The following CHST11 variants were observed in gnomAD, a reference collection of about 807,000 sequenced individuals.
CHST11 encodes carbohydrate sulfotransferase 11, also known as C4S-1.
CHST11 carries 9 observed loss-of-function variants against 30.4 expected under a neutral mutation model. The observed-to-expected ratio is 0.30, with a 90% CI of 0.18 to 0.52. The LOEUF (loss-of-function observed/expected upper bound fraction) is 0.52. CHST11 is among the 20% of genes least tolerant of loss of function. The pLI, the probability that CHST11 is intolerant of heterozygous loss-of-function variation, is 0.97. For synonymous variants in CHST11, 152 were observed against 187.8 expected (o/e 0.81, Z 1.56); for missense variants, 348 against 460.6 (o/e 0.76, Z 2.24).
intron 2 of CHST11, among the ~76,000 whole-genome samples, chr12:104,711,928 C>T (rs2040092032): frequency 6.6e-6 from 1 of 152,066 alleles, no homozygotes; most frequent in South Asian, 2.1e-4. Flanking sequence ...CCTCTGACCA[C>T]AGTTTAGCTT....
At chr12:104,534,981 A>G (rs188445784) in intron 1 of CHST11, among the ~76,000 whole-genome samples, 1 of 152,382 alleles carries the variant, frequency 6.6e-6, no homozygotes, top group East Asian at 1.9e-4. Flanking sequence ...GTAGCTAATT[A>G]TGGTAAAGCC....
chr12:104,622,881 A>G (rs974600435), intron 2 of CHST11, among the ~76,000 whole-genome samples: 5 of 152,206 alleles, frequency 3.3e-5, no homozygotes, highest in African/African-American at 7.2e-5. Context: ...CCAAGGGTCA[A>G]TTAACTCCCA....
chr12:104,740,362 G>T (rs1470855082), intron 2 of CHST11, among the ~76,000 whole-genome samples: 1 of 152,154 alleles, frequency 6.6e-6, no homozygotes, highest in Non-Finnish European at 1.5e-5. Context: ...GAATGTTATG[G>T]CACCACACAG....
chr12:104,656,043 G>T (rs116552772), intron 2 of CHST11, among the ~76,000 whole-genome samples: 3,813 of 152,318 alleles, frequency 0.025, 181 homozygotes, highest in African/African-American at 0.086. Flanking sequence ...TAAGCAAGAC[G>T]AAAGGGGTAG....
chr12:104,583,456 A>G (rs919272536), intron 1 of CHST11, among the ~76,000 whole-genome samples: 2 of 152,046 alleles, frequency 1.3e-5, no homozygotes, highest in African/African-American at 4.8e-5. Context: ...TGCAGCTCCA[A>G]TGGCCTTTTC....
rs1052305753 is a variant in CHST11, at chr12:104,706,385, AAAAC to A, written c.205-50552_205-50549del. On this transcript the variant is annotated intron_variant, in intron 2 of 2. Transcript: ENST00000303694. ...GGCAACAGAATGAGACTGTCTCAAA[AAAAC>A]AAACAAACAAAAACAGATAGGTAGA... Among the ~76,000 whole-genome samples, 488 of 151,316 alleles carry A rather than the reference AAAAC, an allele frequency of 3.2e-3. 5 individuals carry two copies. Among genetic ancestry groups the A allele is most frequent in the African/African-American group, 0.011 (458 of 41,124 alleles).
At chr12:104,743,529 A>G (rs1267956040) in intron 2 of CHST11, among the ~76,000 whole-genome samples, 1 of 152,208 alleles carries the variant, frequency 6.6e-6, no homozygotes, top group Non-Finnish European at 1.5e-5. Flanking sequence ...TTCGGCTCAC[A>G]CCACTAAAAT....
intron 1 of CHST11, among the ~76,000 whole-genome samples, chr12:104,559,778 A>G (rs913845100): frequency 3.3e-5 from 5 of 152,120 alleles, no homozygotes; most frequent in South Asian, 2.1e-4. Context: ...AATAAAATAA[A>G]CACATGCATG....
rs536506411 is a variant in CHST11 at position 104,616,774 on chromosome 12, T to G, written c.204+14783T>G. Among the ~76,000 whole-genome samples the G allele has an allele frequency of 5.9e-5, 9 of 152,252 alleles. 1 individual carries two copies. Among genetic ancestry groups the G allele is most frequent in the African/African-American group, 2.2e-4 (9 of 41,558 alleles). On this transcript the variant is annotated intron_variant, in intron 2 of 2. Coordinates refer to ENST00000303694, the MANE Select transcript of CHST11 (RefSeq NM_018413.6). ...CCACTGTGCCCGGCCAGGAAACTTTTTAACAGACTCCCAGGTGGTCTGCAC... is the reference window on the plus strand; with the variant it reads ...CCACTGTGCCCGGCCAGGAAACTTTGTAACAGACTCCCAGGTGGTCTGCAC...
rs1015774828 is a variant in CHST11 at position 104,558,468 on chromosome 12, G to A, written c.119-43438G>A. ...AGGCCCCCATTTCTGTACCCTCTCC[G>A]CCCCTCCCCTCCCAAAGTGTACAGA... On this transcript the variant is annotated intron_variant, in intron 1 of 2. Coordinates refer to ENST00000303694, the MANE Select transcript of CHST11 (RefSeq NM_018413.6). Among the ~76,000 whole-genome samples, 8 of 150,414 alleles carry A rather than the reference G, an allele frequency of 5.3e-5. No individual in the cohort carries two copies. The East Asian group carries it at 7.8e-4, about 15-fold the overall frequency.
intron 2 of CHST11, among the ~76,000 whole-genome samples, chr12:104,659,740 A>C (rs2039580378): frequency 6.6e-6 from 1 of 152,152 alleles, no homozygotes; most frequent in African/African-American, 2.4e-5. Flanking sequence ...CCAAGGCAGA[A>C]GGATTGCTTG....
chr12:104,579,166 G>C (rs1025721514), intron 1 of CHST11, among the ~76,000 whole-genome samples: 1 of 152,208 alleles, frequency 6.6e-6, no homozygotes, highest in Non-Finnish European at 1.5e-5. Context: ...CTTGGCGAGG[G>C]TTGGGTCTGT....
intron 1 of CHST11, among the ~76,000 whole-genome samples, chr12:104,532,337 AG>A (rs2038193991): frequency 6.6e-6 from 1 of 151,856 alleles, no homozygotes; most frequent in Non-Finnish European, 1.5e-5. Context: ...CCCCGTTATA[AG>A]AATGAGCCAA....
intron 1 of CHST11, among the ~76,000 whole-genome samples, chr12:104,529,501 C>T (rs1379450144): frequency 6.6e-6 from 1 of 152,166 alleles, no homozygotes; most frequent in East Asian, 1.9e-4. Flanking sequence ...ATAATGATGA[C>T]TTTAAAAAGA....
intron 2 of CHST11, among the ~76,000 whole-genome samples, chr12:104,677,349 CAGTT>C (rs1223063169): frequency 1.3e-5 from 2 of 152,126 alleles, no homozygotes; most frequent in East Asian, 1.9e-4. Context: ...GAACTGGACT[CAGTT>C]AGGAACAAAA....
intron 1 of CHST11, among the ~76,000 whole-genome samples, chr12:104,549,843 G>A (rs2038388405): frequency 6.6e-6 from 1 of 152,168 alleles, no homozygotes; most frequent in African/African-American, 2.4e-5. Context: ...GGAGGTGGAG[G>A]CTGCAGTGAG....
intron 1 of CHST11, among the ~76,000 whole-genome samples, chr12:104,578,889 T>C (rs910096335): frequency 3.9e-5 from 6 of 152,172 alleles, no homozygotes; most frequent in Admixed American, 6.5e-5. Flanking sequence ...AATGTTAGGC[T>C]CTTGTGACAT....
chr12:104,528,163 A>G (rs1287579386), intron 1 of CHST11, among the ~76,000 whole-genome samples: 2 of 152,234 alleles, frequency 1.3e-5, no homozygotes, highest in African/African-American at 4.8e-5. Flanking sequence ...CCGTGATAAC[A>G]CTAGTAATTT....
chr12:104,531,473 AAAAAAAAGAG>A (rs1461248674), intron 1 of CHST11, among the ~76,000 whole-genome samples: 1 of 122,550 alleles, frequency 8.2e-6, no homozygotes, highest in Non-Finnish European at 1.8e-5. Context: ...TCCAAAAAAA[AAAAAAAAGAG>A]AGAGAGAGAG....
Sources: allele counts gnomAD v4.1 joint callset (sites outside exome capture counted in the v4.1 genomes callset), GRCh38; gene constraint gnomAD v4.1.1; transcripts MANE v1.5; gene names NCBI Gene and HGNC (gene_info 2026-07-23, HGNC 2026-07-21).